The following SMIM35 variants were observed in gnomAD, a reference collection of about 807,000 sequenced individuals.
SMIM35 encodes the protein small integral membrane protein 35.
intron 1 of SMIM35, among the ~76,000 whole-genome samples, chr11:118,084,709 C>T (rs796935710): frequency 1.6e-4 from 24 of 152,360 alleles, no homozygotes; most frequent in African/African-American, 5.1e-4. Flanking sequence ...CTAAACTCCT[C>T]TATGTTTCAA....
At chr11:118,037,628 C>T (rs562922104) in intron 1 of SMIM35, among the ~76,000 whole-genome samples, 1 of 152,306 alleles carries the variant, frequency 6.6e-6, no homozygotes, top group South Asian at 2.1e-4. Context: ...TAAAGCTCTT[C>T]GATTTTGAAG....
chr11:118,069,378 T>A (rs1017646689), intron 1 of SMIM35, among the ~76,000 whole-genome samples: 1 of 152,244 alleles, frequency 6.6e-6, no homozygotes, highest in Non-Finnish European at 1.5e-5. Flanking sequence ...CTATTGGCAC[T>A]GTCTCTAACC....
At chr11:118,048,946 CAAAA>C (rs57261529) in intron 1 of SMIM35, among the ~76,000 whole-genome samples, 5,340 of 60,616 alleles carry the variant, frequency 0.088, 412 homozygotes, top group East Asian at 0.32. Flanking sequence ...TGAAGAGCTG[CAAAA>C]AAAAAAAAAA....
chr11:118,064,126 AGT>A (rs1944432122), intron 1 of SMIM35, among the ~76,000 whole-genome samples: 1 of 152,230 alleles, frequency 6.6e-6, no homozygotes, highest in Non-Finnish European at 1.5e-5. Flanking sequence ...AGTGTCAGCC[AGT>A]GTCTGCTGCA....
chr11:118,010,485 C>T (rs950708886), intron 4 of SMIM35, among the ~76,000 whole-genome samples: 3 of 152,226 alleles, frequency 2.0e-5, no homozygotes. Flanking sequence ...TCACTGACCT[C>T]CTCCAGCACG....
At chr11:118,019,643 A>T (rs2135030541) in intron 1 of SMIM35, among the ~76,000 whole-genome samples, 1 of 152,208 alleles carries the variant, frequency 6.6e-6, no homozygotes, top group African/African-American at 2.4e-5. Flanking sequence ...TGTGCTTTTT[A>T]AAAATCTTAT....
chr11:118,037,623 C>G lies in SMIM35; in HGVS notation c.8-21814G>C, dbSNP rs1287511828. ...CTTTCGGCGGTTAGCAAGTTTAAAGCTCTTCGATTTTGAAGGACTACTGCT... is the reference window on the plus strand; with the variant it reads ...CTTTCGGCGGTTAGCAAGTTTAAAGGTCTTCGATTTTGAAGGACTACTGCT... On this transcript the variant is annotated intron_variant, in intron 1 of 4. Transcript: ENST00000689828. Among the ~76,000 whole-genome samples the G allele has an allele frequency of 2.6e-5, 4 of 152,316 alleles. No homozygotes were observed. The East Asian group carries it at 5.8e-4, about 22-fold the overall frequency.
At chr11:118,031,920 T>TTGAGGCCAGGAGTCCGAG (rs2058323108) in intron 1 of SMIM35, 1 of 151,886 alleles carries the variant, frequency 6.6e-6, no homozygotes, top group South Asian at 2.1e-4. Flanking sequence ...GGAGGATCTC[T>TTGAGGCCAGGAGTCCGAG]TGAGGCCAGG....
intron 1 of SMIM35, among the ~76,000 whole-genome samples, chr11:118,072,500 A>G (rs1944587497): frequency 6.6e-6 from 1 of 152,154 alleles, no homozygotes; most frequent in Admixed American, 6.5e-5. Flanking sequence ...AAAAGAAACA[A>G]CTGGCAATTG....
intron 1 of SMIM35, among the ~76,000 whole-genome samples, chr11:118,084,336 T>C (rs1188961831): frequency 6.6e-6 from 1 of 152,166 alleles, no homozygotes; most frequent in African/African-American, 2.4e-5. Flanking sequence ...AAAAACTTCA[T>C]GAAGCACTCG....
intron 1 of SMIM35, chr11:118,067,540 TA>T (rs946960398): frequency 4.0e-5 from 6 of 150,504 alleles, no homozygotes; most frequent in Admixed American, 6.6e-5. Flanking sequence ...CCCTGTCTCT[TA>T]AAAAAAAATT....
rs561091243 is a variant in SMIM35, at chr11:118,004,059, C to A, written c.*2351G>T. On this transcript the variant is annotated 3_prime_UTR_variant, in exon 5 of 5. Transcript: ENST00000689828. ...GAGGGCTCTCTTCCTGGCTTGGAGA[C>A]GGCCTCCTTCTTGCTGTGGCCTTAC... The A allele has an allele frequency of 6.6e-6, 1 of 152,178 alleles. No individual in the cohort carries two copies. The highest frequency in any genetic ancestry group is 1.5e-5 in the Non-Finnish European group (1 of 68,058). The allele number at this position is 152,178 out of a possible 1,614,324, so 9.4% of individuals were successfully genotyped here.
At chr11:118,080,181 G>A (rs1422164606) in intron 1 of SMIM35, among the ~76,000 whole-genome samples, 2 of 152,206 alleles carry the variant, frequency 1.3e-5, no homozygotes, top group East Asian at 3.8e-4. Context: ...TACCCCTGGA[G>A]CTGAAAAAGC....
chr11:118,047,336 G>C lies in SMIM35; in HGVS notation c.8-31527C>G, dbSNP rs149706092. Among the ~76,000 whole-genome samples, 479 of 152,362 alleles carry C rather than the reference G, an allele frequency of 3.1e-3. 4 individuals are homozygous for C. Among genetic ancestry groups the C allele is most frequent in the African/African-American group, 0.011 (459 of 41,584 alleles). On this transcript the variant is annotated intron_variant, in intron 1 of 4. Transcript: ENST00000689828. ...TCTAGAATACATACACTTGTTGTGT[G>C]TCTGAAAACAGAGAGAAAGGGAGAG...
At chr11:118,011,627 G>A (rs1404819130) in intron 4 of SMIM35, among the ~76,000 whole-genome samples, 1 of 152,136 alleles carries the variant, frequency 6.6e-6, no homozygotes, top group Non-Finnish European at 1.5e-5. Flanking sequence ...GGGAGACGGA[G>A]GTTGCAGTGA....
At chr11:118,083,944 A>G (rs146756187) in intron 1 of SMIM35, among the ~76,000 whole-genome samples, 3,390 of 152,266 alleles carry the variant, frequency 0.022, 60 homozygotes, top group Non-Finnish European at 0.035. Flanking sequence ...AGGCTGAGCC[A>G]GGAGAATCGC....
chr11:118,042,612 CA>C (rs1944023310), intron 1 of SMIM35, among the ~76,000 whole-genome samples: 1 of 152,094 alleles, frequency 6.6e-6, no homozygotes, highest in Non-Finnish European at 1.5e-5. Flanking sequence ...TTTTATAAGG[CA>C]AATATTACCC....
chr11:118,044,289 T>C (rs1222059118), intron 1 of SMIM35, among the ~76,000 whole-genome samples: 1 of 143,442 alleles, frequency 7.0e-6, no homozygotes, highest in Non-Finnish European at 1.5e-5. Flanking sequence ...AACCAAATCT[T>C]AGTCACTGAG....
intron 1 of SMIM35, among the ~76,000 whole-genome samples, chr11:118,049,685 GC>G (rs1944178103): frequency 2.0e-5 from 3 of 152,012 alleles, no homozygotes; most frequent in Admixed American, 2.0e-4. Context: ...TTGCGTGTGT[GC>G]TTTTTAATGG....
Sources: gnomAD v4.1 joint callset for allele counts (sites outside exome capture counted in the v4.1 genomes callset) on GRCh38, gnomAD v4.1.1 for gene constraint, MANE v1.5 for transcripts, NCBI Gene and HGNC (gene_info 2026-07-23, HGNC 2026-07-21) for gene names.